TSTD1: variants seen among roughly 807,000 people sequenced by gnomAD.
TSTD1 encodes the protein thiosulfate sulfurtransferase like domain containing 1.
TSTD1 carries 7 observed loss-of-function variants against 12.6 expected under a neutral mutation model. The observed-to-expected ratio is 0.55, with a 90% CI of 0.32 to 1.04. The LOEUF (loss-of-function observed/expected upper bound fraction) is 1.04. Ranked by LOEUF, TSTD1 falls within the 50% of genes least tolerant of loss-of-function variation. TSTD1 has a pLI of 0.05. For missense variants in TSTD1, 156 were observed against 151.0 expected, an observed-to-expected ratio of 1.03 and a Z score of -0.17; for synonymous variants, 73 against 59.7, an observed-to-expected ratio of 1.22 and a Z score of -1.03.
intron 2 of TSTD1, 151 bp from the exon 3 acceptor site, chr1:161,038,226 C>A: frequency 1.2e-6 from 1 of 838,924 alleles, no homozygotes; most frequent in Non-Finnish European, 1.8e-6. Flanking sequence ...CAGAAACCGA[C>A]AACTTTTGAA....
chr1:161,038,309 A>G lies in TSTD1; in HGVS notation c.134-234T>C, dbSNP rs529293329. ...CAGGCGTCCAGATTTGGGGAGGTCA[A>G]GAGAAGCTGGTCTGCCCCTCTCCTC... On this transcript the variant is annotated intron_variant, in intron 2 of 3. Coordinates refer to ENST00000423014, the MANE Select transcript of TSTD1 (RefSeq NM_001113207.2). The G allele has an allele frequency of 2.6e-4, 175 of 678,298 alleles. No homozygotes were observed. The African/African-American group carries it at 2.8e-3, about 11-fold the overall frequency. 42.0% of individuals were successfully genotyped at this position (678,298 alleles called of 1,614,324 possible).
chr1:161,038,076 C>A lies in TSTD1; in HGVS notation c.134-1G>T, dbSNP rs1440531579. ...TGCAGAGCACTCTCCAACTCGGACA[C>A]TGGAGGAGTGGAGAGGGTAGAAGGG... On this transcript the variant is annotated splice_acceptor_variant, in intron 2 of 3. Coordinates refer to ENST00000423014, the MANE Select transcript of TSTD1 (RefSeq NM_001113207.2). LOFTEE classifies it high-confidence loss of function. 1 of 1,551,252 alleles carries A rather than the reference C, an allele frequency of 6.4e-7. No homozygotes were observed. The highest frequency in any genetic ancestry group is 8.7e-7 in the Non-Finnish European group (1 of 1,146,930).
chr1:161,038,419 G>A (rs1476661418), intron 2 of TSTD1, 132 bp downstream of exon 2: 1 of 1,143,024 alleles, frequency 8.7e-7, no homozygotes, highest in African/African-American at 1.6e-5. Flanking sequence ...GAAGCTGAGG[G>A]CTGGCTCCCG....
Position 161,038,087 on chromosome 1 carries a change from G to C in TSTD1, c.134-12C>G. The C allele has an allele frequency of 6.4e-7, 1 of 1,550,918 alleles. No individual in the cohort carries two copies. The highest frequency in any genetic ancestry group is 8.7e-7 in the Non-Finnish European group (1 of 1,146,792). On this transcript the variant is annotated splice_polypyrimidine_tract_variant and intron_variant, in intron 2 of 3. Transcript: ENST00000423014. ...CTCCAACTCGGACACTGGAGGAGTGGAGAGGGTAGAAGGGAAAGCCAGCAA... is the reference window on the plus strand; with the variant it reads ...CTCCAACTCGGACACTGGAGGAGTGCAGAGGGTAGAAGGGAAAGCCAGCAA...
chr1:161,038,846 G>A, intron 1 of TSTD1, 34 bp downstream of exon 1: 1 of 1,548,614 alleles, frequency 6.5e-7, no homozygotes, highest in Non-Finnish European at 8.7e-7. Flanking sequence ...AGAGGACCAA[G>A]AGAACCGCGG....
intron 2 of TSTD1, 58 bp from the exon 3 acceptor site, chr1:161,038,133 G>C (rs1304503324): frequency 6.6e-7 from 1 of 1,522,746 alleles, no homozygotes; most frequent in Non-Finnish European, 8.9e-7. Context: ...AGGTTCGGAA[G>C]CTGGGCCTGG....
intron 2 of TSTD1, 128 bp downstream of exon 2, chr1:161,038,423 G>A: frequency 8.5e-7 from 1 of 1,178,590 alleles, no homozygotes; most frequent in Non-Finnish European, 1.2e-6. Context: ...CTGAGGGCTG[G>A]CTCCCGGGAA....
intron 1 of TSTD1, 47 bp downstream of exon 1, chr1:161,038,833 C>T (rs1387300392): frequency 1.5e-5 from 23 of 1,546,610 alleles, no homozygotes; most frequent in East Asian, 2.5e-5. Context: ...CACGCCTCAA[C>T]CCAGAGGACC....
Position 161,038,090 on chromosome 1 carries a change from A to G in TSTD1, c.134-15T>C, listed in dbSNP as rs1472365284. The G allele has an allele frequency of 6.5e-7, 1 of 1,545,778 alleles. No homozygotes were observed. Among genetic ancestry groups the G allele is most frequent in the South Asian group, 1.2e-5 (1 of 83,716 alleles). ...CAACTCGGACACTGGAGGAGTGGAG[A>G]GGGTAGAAGGGAAAGCCAGCAATTT... On this transcript the variant is annotated splice_polypyrimidine_tract_variant and intron_variant, in intron 2 of 3. Transcript: ENST00000423014.
chr1:161,037,805 G>T lies in TSTD1; in HGVS notation c.318C>A (p.Ala106=). Residue 106 remains alanine, a synonymous_variant, in exon 4 of 4, where the codon GCC becomes GCA. Transcript: ENST00000423014. ...GYTGARNYAG[A]YREWLEKES ...TCTCTTTCTCCAACCATTCTCTATA[G>T]GCTCCAGCGTAGTTGCGAGCCCTGT... 1 of 1,551,732 alleles carries T rather than the reference G, an allele frequency of 6.4e-7. No homozygotes were observed. The highest frequency in any genetic ancestry group is 8.7e-7 in the Non-Finnish European group (1 of 1,147,000).
chr1:161,037,770 C>T lies in TSTD1; in HGVS notation c.*5G>A. ...GGGGGTGGCAATCAGTAAGCTGCCTCCTGCCTAACTCTCTTTCTCCAACCA... is the reference window on the plus strand; with the variant it reads ...GGGGGTGGCAATCAGTAAGCTGCCTTCTGCCTAACTCTCTTTCTCCAACCA... On this transcript the variant is annotated 3_prime_UTR_variant, in exon 4 of 4. Transcript: ENST00000423014. The T allele has an allele frequency of 6.4e-7, 1 of 1,551,758 alleles. No individual in the cohort carries two copies. The highest frequency in any genetic ancestry group is 8.7e-7 in the Non-Finnish European group (1 of 1,147,014).
In TSTD1 at chr1:161,038,079, G is replaced by T; in HGVS notation, c.134-4C>A. Reference sequence around the variant, plus strand: ...AGAGCACTCTCCAACTCGGACACTGGAGGAGTGGAGAGGGTAGAAGGGAAA... The same window carrying T: ...AGAGCACTCTCCAACTCGGACACTGTAGGAGTGGAGAGGGTAGAAGGGAAA... On this transcript the variant is annotated splice_region_variant and splice_polypyrimidine_tract_variant and intron_variant, in intron 2 of 3. Coordinates refer to ENST00000423014, the MANE Select transcript of TSTD1 (RefSeq NM_001113207.2). 6.4e-7 allele frequency: 1 copy of T among 1,551,100 alleles called. No individual in the cohort carries two copies. Among genetic ancestry groups the T allele is most frequent in the Non-Finnish European group, 8.7e-7 (1 of 1,146,846 alleles).
In TSTD1 at chr1:161,037,918, G is replaced by C. The variant is rs1298497615; in HGVS notation, c.291C>G (p.Tyr97Ter). Residue 97 changes from tyrosine to a stop codon, truncating the protein, a stop_gained, in exon 3 of 4, where the codon TAC becomes TAG. Coordinates refer to ENST00000423014, the MANE Select transcript of TSTD1 (RefSeq NM_001113207.2). LOFTEE classifies it high-confidence loss of function. ...QATQLARSLG[Y>*]TGARNYAGAY... ...GCAGCCACACCTCCCCGTACCCAGT[G>C]TATCCAAGACTCCGGGCCAGCTGCG... 1.9e-6 allele frequency: 3 copies of C among 1,551,740 alleles called. No homozygotes were observed. Among genetic ancestry groups the C allele is most frequent in the Non-Finnish European group, 1.7e-6 (2 of 1,147,036 alleles).
rs112999515 is a variant in TSTD1, at chr1:161,037,674, C to G, written c.*101G>C. On this transcript the variant is annotated 3_prime_UTR_variant, in exon 4 of 4. Transcript: ENST00000423014. ...ATTTGATGCTTTTGTGTGCACAACA[C>G]TATAAGGAGTTGCCCAATTCACCAA... 8.0e-6 allele frequency: 10 copies of G among 1,248,430 alleles called. No homozygotes were observed. Among genetic ancestry groups the G allele is most frequent in the African/African-American group, 3.0e-5 (2 of 66,916 alleles). 77.3% of individuals were successfully genotyped at this position (1,248,430 alleles called of 1,614,324 possible).
chr1:161,037,992 C>T lies in TSTD1; in HGVS notation c.217G>A (p.Glu73Lys), dbSNP rs373198140. ...YSAEKPKLEDEHLVFFCQMGK... is the reference protein window; with the variant it reads ...YSAEKPKLEDKHLVFFCQMGK... ...ATCTGACAGAAGAAAACGAGATGCT[C>T]ATCTTCCAGCTTTGGCTTCTCAGCA... Residue 73 changes from glutamate to lysine, a missense_variant, in exon 3 of 4, where the codon GAG becomes AAG. Transcript: ENST00000423014. 1.9e-3 allele frequency: 2,937 copies of T among 1,551,782 alleles called. 55 individuals are homozygous for T. The South Asian group carries it at 0.027, about 14-fold the overall frequency.
Position 161,038,638 on chromosome 1 carries a change from G to A in TSTD1, c.46C>T (p.Leu16=), listed in dbSNP as rs17175568. The A allele has an allele frequency of 6.5e-7, 1 of 1,550,014 alleles. No individual in the cohort carries two copies. Among genetic ancestry groups the A allele is most frequent in the African/African-American group, 1.4e-5 (1 of 73,034 alleles). The part of the protein sequence containing the change: ...TVSLPELRSL[L]ASGRARLFDV... ...AAGAGCCGGGCCCGTCCGGAGGCTAGGAGTGAACGGAGTTCAGGAAGCGAG... is the reference window on the plus strand; with the variant it reads ...AAGAGCCGGGCCCGTCCGGAGGCTAAGAGTGAACGGAGTTCAGGAAGCGAG... Residue 16 remains leucine, a synonymous_variant, in exon 2 of 4, where the codon CTA becomes TTA. Transcript: ENST00000423014.
Position 161,038,043 on chromosome 1 carries a change from G to T in TSTD1, c.166C>A (p.Pro56Thr). The change falls in exon 3 of 4, where the codon CCA becomes ACA. Residue 56 changes from proline (P) to threonine (T), a missense_variant. Coordinates refer to ENST00000423014, the MANE Select transcript of TSTD1 (RefSeq NM_001113207.2). The stretch of plus-strand genomic sequence containing the variant: ...GAATATAAAGCCTGGAAGGCAGCTG[G>T]CTCCATCTGCAGAGCACTCTCCAAC... ...SELESALQME[P>T]AAFQALYSAE... 8.4e-6 allele frequency: 13 copies of T among 1,551,660 alleles called. No individual in the cohort carries two copies. The highest frequency in any genetic ancestry group is 1.1e-5 in the Non-Finnish European group (13 of 1,147,018).
chr1:161,038,858 C>A (rs1650358188), intron 1 of TSTD1, 22 bp downstream of exon 1: 1 of 1,549,120 alleles, frequency 6.5e-7, no homozygotes, highest in Non-Finnish European at 8.7e-7. Context: ...GAACCGCGGC[C>A]CCAGGAATCC....
chr1:161,037,823 A>C lies in TSTD1; in HGVS notation c.300T>G (p.Ala100=). The C allele has an allele frequency of 6.4e-7, 1 of 1,551,740 alleles. No individual in the cohort carries two copies. Among genetic ancestry groups the C allele is most frequent in the Non-Finnish European group, 8.7e-7 (1 of 1,147,016 alleles). The change falls in exon 4 of 4, where the codon GCT becomes GCG. Residue 100 remains alanine, a synonymous_variant. Coordinates refer to ENST00000423014, the MANE Select transcript of TSTD1 (RefSeq NM_001113207.2). ...QLARSLGYTG[A]RNYAGAYREW... ...CTCTATAGGCTCCAGCGTAGTTGCG[A>C]GCCCTGTGGAGACAAAGAAGCGTGA...
Sources: gnomAD v4.1 joint callset for allele counts on GRCh38, gnomAD v4.1.1 for gene constraint, MANE v1.5 for transcripts, NCBI Gene and HGNC (gene_info 2026-07-23, HGNC 2026-07-21) for gene names.